Variants in NSUN4 observed in about 807,000 individuals in gnomAD.
NSUN4 encodes 5-cytosine rRNA methyltransferase NSUN4.
A neutral mutation model predicts 43.8 loss-of-function variants in NSUN4; 31 were observed. That is an observed-to-expected ratio of 0.71 (90% CI 0.53 to 0.96). NSUN4 has a LOEUF of 0.96. Ranked by LOEUF, NSUN4 falls within the 40% of genes least tolerant of loss-of-function variation. The pLI is 0.00. For missense variants in NSUN4, 439 were observed against 475.6 expected, an observed-to-expected ratio of 0.92 and a Z score of 0.72; for synonymous variants, 167 against 184.1, an observed-to-expected ratio of 0.91 and a Z score of 0.75.
chr1:46,383,248 C>T, the NSUN4 span, among the ~76,000 whole-genome samples: 5 of 152,254 alleles, frequency 3.3e-5, no homozygotes, highest in Admixed American at 6.5e-5. Flanking sequence ...AGAGGAGGGG[C>T]AGGGGGTGGA....
chr1:46,380,571 T>C, the NSUN4 span, among the ~76,000 whole-genome samples: 1 of 152,216 alleles, frequency 6.6e-6, no homozygotes, highest in South Asian at 2.1e-4. Flanking sequence ...GAGCTAATAT[T>C]TATTGAACAC....
chr1:46,377,784 G>A, the NSUN4 span, among the ~76,000 whole-genome samples: 3 of 152,148 alleles, frequency 2.0e-5, no homozygotes, highest in Non-Finnish European at 4.4e-5. Flanking sequence ...AATTCCCACG[G>A]CAACCAATGG....
chr1:46,360,872 T>A (rs370168496), intron 5 of NSUN4, 44 bp downstream of exon 5: 26 of 1,606,944 alleles, frequency 1.6e-5, no homozygotes, highest in Non-Finnish European at 1.7e-6. Flanking sequence ...GCCAGAGTGC[T>A]CTGGGAGACT....
intron 4 of NSUN4, among the ~76,000 whole-genome samples, chr1:46,358,842 C>T (rs756316918): frequency 6.6e-6 from 1 of 152,094 alleles, no homozygotes; most frequent in Non-Finnish European, 1.5e-5. Context: ...TGGATAATTC[C>T]TATATCAAAA....
chr1:46,360,086 G>A (rs1360618085), intron 4 of NSUN4, among the ~76,000 whole-genome samples: 1 of 150,120 alleles, frequency 6.7e-6, no homozygotes, highest in Non-Finnish European at 1.5e-5. Flanking sequence ...AAAATTAGCC[G>A]GGCATGGTGG....
downstream of NSUN4, among the ~76,000 whole-genome samples, chr1:46,368,186 A>G (rs1468659630): frequency 1.3e-5 from 2 of 151,958 alleles, no homozygotes; most frequent in Non-Finnish European, 2.9e-5. Context: ...ACTCATTTCT[A>G]TTACTCCAAT....
At chr1:46,346,878 C>T in intron 2 of NSUN4, 43 bp from the exon 3 acceptor site, 1 of 1,576,782 alleles carries the variant, frequency 6.3e-7, no homozygotes. Context: ...CAGTGGGTGT[C>T]CTGACCTGGA....
chr1:46,345,466 A>T, intron 2 of NSUN4: 1 of 259,236 alleles, frequency 3.9e-6, no homozygotes, highest in Non-Finnish European at 7.4e-6. Flanking sequence ...CTGCACTTTG[A>T]ACCCACTCTG....
chr1:46,354,589 A>G (rs1384954399), intron 4 of NSUN4, among the ~76,000 whole-genome samples: 1 of 152,104 alleles, frequency 6.6e-6, no homozygotes, highest in Admixed American at 6.6e-5. Context: ...AAGAAAGACC[A>G]AGGCTTATGG....
intron 4 of NSUN4, among the ~76,000 whole-genome samples, chr1:46,355,844 G>A (rs56388834): frequency 3.7e-4 from 56 of 152,072 alleles, no homozygotes; most frequent in African/African-American, 9.9e-4. Context: ...GTGAAACCCC[G>A]TCTCTACTAA....
the NSUN4 span, among the ~76,000 whole-genome samples, chr1:46,371,900 A>T: frequency 6.6e-6 from 1 of 152,134 alleles, no homozygotes; most frequent in East Asian, 1.9e-4. Context: ...CTTATCATTG[A>T]GGAGATGGCC....
downstream of NSUN4, among the ~76,000 whole-genome samples, chr1:46,365,771 A>T (rs1470382398): frequency 6.6e-6 from 1 of 152,184 alleles, no homozygotes; most frequent in South Asian, 2.1e-4. Context: ...GCCATCAGCA[A>T]TGTATGAGAG....
chr1:46,379,617 A>G, the NSUN4 span, among the ~76,000 whole-genome samples: 1 of 152,142 alleles, frequency 6.6e-6, no homozygotes, highest in Non-Finnish European at 1.5e-5. Flanking sequence ...TCTGTCTCAA[A>G]ACCAACCAAC....
chr1:46,353,260 A>G (rs981033061), intron 4 of NSUN4, among the ~76,000 whole-genome samples: 3 of 152,216 alleles, frequency 2.0e-5, no homozygotes, highest in Admixed American at 2.0e-4. Context: ...CTATTTGAGT[A>G]GGGGAAAAAT....
downstream of NSUN4, among the ~76,000 whole-genome samples, chr1:46,365,759 C>G (rs552030309): frequency 1.8e-4 from 27 of 152,152 alleles, no homozygotes; most frequent in Non-Finnish European, 3.4e-4. Context: ...CCATTTTGCA[C>G]GGCCATCAGC....
chr1:46,373,275 C>T, the NSUN4 span, among the ~76,000 whole-genome samples: 1 of 152,246 alleles, frequency 6.6e-6, no homozygotes, highest in Non-Finnish European at 1.5e-5. Context: ...CCTCCAAATT[C>T]TTCCAGCCTC....
chr1:46,340,811 C>G lies in NSUN4; in HGVS notation c.-16C>G, dbSNP rs1446587349. ...GTCGCGGTTCCGGTCGGAATTACCC[C>G]GTGGAGCACGCCGATATGGCTGCGC... On this transcript the variant is annotated 5_prime_UTR_variant, in exon 1 of 6. Coordinates refer to ENST00000474844, the MANE Select transcript of NSUN4 (RefSeq NM_199044.4). 5.6e-6 allele frequency: 9 copies of G among 1,603,848 alleles called. No individual in the cohort carries two copies. The Admixed American group carries it at 1.5e-4, about 27-fold the overall frequency.
intron 3 of NSUN4, among the ~76,000 whole-genome samples, chr1:46,351,298 A>G (rs1662960785): frequency 6.6e-6 from 1 of 152,144 alleles, no homozygotes; most frequent in African/African-American, 2.4e-5. Flanking sequence ...CGGGAGGCGG[A>G]GGTTATGGTA....
intron 3 of NSUN4, among the ~76,000 whole-genome samples, chr1:46,351,288 C>T (rs1396414114): frequency 1.3e-5 from 2 of 152,096 alleles, no homozygotes; most frequent in African/African-American, 2.4e-5. Context: ...CGCTTGAACC[C>T]GGGAGGCGGA....
Sources: gnomAD v4.1 joint callset for allele counts (sites outside exome capture counted in the v4.1 genomes callset) on GRCh38, gnomAD v4.1.1 for gene constraint, MANE v1.5 for transcripts, NCBI Gene and HGNC (gene_info 2026-07-23, HGNC 2026-07-21) for gene names.